The following NRXN3 variants were observed in gnomAD, a reference collection of about 807,000 sequenced individuals.
The protein encoded by NRXN3 is neurexin 3.
In NRXN3, 32 loss-of-function variants were observed where a neutral mutation model predicts 137.6. The ratio of observed to expected loss-of-function variants is 0.23; its 90% CI spans 0.18 to 0.31. The LOEUF (loss-of-function observed/expected upper bound fraction) is 0.31. NRXN3 is among the 10% of genes least tolerant of loss of function. NRXN3 has a pLI of 1.00. For missense variants in NRXN3, 1,574 were observed against 2,062.5 expected, an observed-to-expected ratio of 0.76 and a Z score of 4.59; for synonymous variants, 798 against 784.5, an observed-to-expected ratio of 1.02 and a Z score of -0.29.
chr14:79,199,145 C>T (rs1422757318), intron 15 of NRXN3, among the ~76,000 whole-genome samples: 2 of 150,242 alleles, frequency 1.3e-5, no homozygotes, highest in East Asian at 2.0e-4. Context: ...CCAGCCTGGG[C>T]GACAGTGAGA....
chr14:79,212,020 A>G (rs968493666), intron 15 of NRXN3, among the ~76,000 whole-genome samples: 16 of 151,930 alleles, frequency 1.1e-4, no homozygotes, highest in African/African-American at 3.9e-4. Flanking sequence ...TTTTTCCTTC[A>G]TTCTGCTTTT....
chr14:78,846,311 C>A (rs2099026768), intron 10 of NRXN3, among the ~76,000 whole-genome samples: 1 of 152,036 alleles, frequency 6.6e-6, no homozygotes, highest in African/African-American at 2.4e-5. Flanking sequence ...AGGGTCATTT[C>A]CTCTGTCTCC....
At chr14:79,340,987 ATAAAT>A (rs900901831) in intron 15 of NRXN3, among the ~76,000 whole-genome samples, 15 of 152,194 alleles carry the variant, frequency 9.9e-5, no homozygotes, top group Non-Finnish European at 8.8e-5. Flanking sequence ...TGCAGAGAAA[ATAAAT>A]TAAAATGAGA....
intron 15 of NRXN3, among the ~76,000 whole-genome samples, chr14:78,989,142 A>T (rs1372974049): frequency 6.6e-6 from 1 of 152,172 alleles, no homozygotes; most frequent in Non-Finnish European, 1.5e-5. Context: ...TTCTAAATGC[A>T]GCCTTTGTTT....
intron 16 of NRXN3, among the ~76,000 whole-genome samples, chr14:79,509,103 A>G (rs2096907523): frequency 6.6e-6 from 1 of 152,102 alleles, no homozygotes; most frequent in South Asian, 2.1e-4. Flanking sequence ...GCTGAGGCAC[A>G]AGACTTGCTT....
intron 10 of NRXN3, among the ~76,000 whole-genome samples, chr14:78,943,616 AAAAAAATATATATAT>A (rs1461753137): frequency 8.3e-4 from 34 of 41,018 alleles, no homozygotes; most frequent in Middle Eastern, 0.011. Flanking sequence ...CTGTTAAAAA[AAAAAAATATATATAT>A]ATATATATAT....
intron 15 of NRXN3, among the ~76,000 whole-genome samples, chr14:79,015,879 G>T (rs988639601): frequency 7.2e-5 from 11 of 152,116 alleles, no homozygotes; most frequent in Non-Finnish European, 1.5e-4. Flanking sequence ...CCAACCTCAA[G>T]ATTTGTTGCT....
chr14:79,768,123 C>T (rs1001929343), intron 19 of NRXN3, among the ~76,000 whole-genome samples: 22 of 152,320 alleles, frequency 1.4e-4, no homozygotes, highest in South Asian at 2.1e-4. Flanking sequence ...GAGGGTCCTA[C>T]GCCCACGGAG....
intron 16 of NRXN3, among the ~76,000 whole-genome samples, chr14:79,470,019 T>A (rs980166309): frequency 6.6e-6 from 1 of 152,200 alleles, no homozygotes; most frequent in African/African-American, 2.4e-5. Context: ...CTTTTATAAC[T>A]TTTACAATCT....
At chr14:79,492,820 C>T (rs1442458831) in intron 16 of NRXN3, among the ~76,000 whole-genome samples, 1 of 152,200 alleles carries the variant, frequency 6.6e-6, no homozygotes, top group Non-Finnish European at 1.5e-5. Context: ...ATCAATCATG[C>T]ATTGGAAATA....
At chr14:79,823,149 G>A (rs1158168600) in intron 20 of NRXN3, among the ~76,000 whole-genome samples, 1 of 25,438 alleles carries the variant, frequency 3.9e-5, no homozygotes, top group Non-Finnish European at 9.1e-5. Context: ...TCCTGAATGT[G>A]TATCTACGTC....
chr14:79,361,123 G>A (rs1021856119), intron 15 of NRXN3, among the ~76,000 whole-genome samples: 1 of 152,190 alleles, frequency 6.6e-6, no homozygotes, highest in East Asian at 1.9e-4. Flanking sequence ...GAAGTAATAT[G>A]TTAAATGAAA....
intron 16 of NRXN3, among the ~76,000 whole-genome samples, chr14:79,617,243 G>A (rs1374297515): frequency 2.0e-5 from 3 of 152,106 alleles, no homozygotes; most frequent in Non-Finnish European, 4.4e-5. Context: ...TGGGTTGTAT[G>A]CCTGTAGAAT....
At chr14:79,373,419 A>G (rs1599343877) in intron 15 of NRXN3, among the ~76,000 whole-genome samples, 1 of 152,364 alleles carries the variant, frequency 6.6e-6, no homozygotes, top group East Asian at 1.9e-4. Context: ...AGTGTGGCAA[A>G]ATGATAAAAA....
chr14:78,895,711 T>C (rs2099171561), intron 10 of NRXN3, among the ~76,000 whole-genome samples: 2 of 152,022 alleles, frequency 1.3e-5, no homozygotes, highest in African/African-American at 2.4e-5. Flanking sequence ...AGCTTTTGAT[T>C]TGAAGTTAGA....
intron 15 of NRXN3, among the ~76,000 whole-genome samples, chr14:79,397,346 T>C (rs1307532417): frequency 6.6e-6 from 1 of 152,204 alleles, no homozygotes; most frequent in Non-Finnish European, 1.5e-5. Flanking sequence ...TGCAAGATAA[T>C]TGATAACAAG....
chr14:79,849,638 C>G (rs8004252), intron 20 of NRXN3, among the ~76,000 whole-genome samples: 112,858 of 152,080 alleles, frequency 0.74, 42,278 homozygotes, highest in East Asian at 0.91. Context: ...GAAAAGGGAA[C>G]CGTTGTACAC....
chr14:79,862,267 C>A lies in NRXN3; in HGVS notation c.*303C>A, dbSNP rs939343960. On this transcript the variant is annotated 3_prime_UTR_variant, in exon 21 of 21. Coordinates refer to ENST00000335750, the MANE Select transcript of NRXN3 (RefSeq NM_001330195.2). Reference sequence around the variant, plus strand: ...GCTCTGGAGCCGGACGGTGGCTCCACCACTTCCGCAGGCCTGGAAACTTCC... The same window carrying A: ...GCTCTGGAGCCGGACGGTGGCTCCAACACTTCCGCAGGCCTGGAAACTTCC... The A allele has an allele frequency of 1.2e-5, 3 of 248,220 alleles. No individual in the cohort carries two copies. Among genetic ancestry groups the A allele is most frequent in the East Asian group, 8.4e-5 (1 of 11,946 alleles). 15.4% of individuals were successfully genotyped at this position (248,220 alleles called of 1,614,324 possible).
intron 10 of NRXN3, among the ~76,000 whole-genome samples, chr14:78,881,203 C>T (rs1020348691): frequency 6.6e-6 from 1 of 151,634 alleles, no homozygotes; most frequent in African/African-American, 2.4e-5. Flanking sequence ...TTACCCAGTC[C>T]TGGGTATTTC....
Sources: allele counts gnomAD v4.1 joint callset (sites outside exome capture counted in the v4.1 genomes callset), GRCh38; gene constraint gnomAD v4.1.1; transcripts MANE v1.5; gene names NCBI Gene and HGNC (gene_info 2026-07-23, HGNC 2026-07-21).